ENPP2: variants seen among roughly 807,000 people sequenced by gnomAD.
The protein encoded by ENPP2 is ectonucleotide pyrophosphatase/phosphodiesterase 2.
A neutral mutation model predicts 120.2 loss-of-function variants in ENPP2; 51 were observed. The observed-to-expected ratio is 0.42, with a 90% CI of 0.34 to 0.54. The LOEUF (loss-of-function observed/expected upper bound fraction) is 0.54. ENPP2 is among the 20% of genes least tolerant of loss of function. The pLI is 0.04. For synonymous variants in ENPP2, 365 were observed against 366.4 expected (o/e 1.00, Z 0.04); for missense variants, 920 against 1,066.5 (o/e 0.86, Z 1.91).
intron 11 of ENPP2, chr8:119,596,082 C>T (rs1185775648): frequency 2.2e-6 from 3 of 1,348,400 alleles, no homozygotes; most frequent in South Asian, 2.6e-5. Flanking sequence ...ACTTTCCCAT[C>T]TGGGATCAGC....
At chr8:119,661,151 C>T (rs530096536) in intron 1 of ENPP2, among the ~76,000 whole-genome samples, 2 of 151,958 alleles carry the variant, frequency 1.3e-5, no homozygotes, top group Admixed American at 1.3e-4. Flanking sequence ...GAACATCACA[C>T]ACTGGGGCCT....
chr8:119,668,184 G>A (rs1175360442), intron 1 of ENPP2, among the ~76,000 whole-genome samples: 1 of 152,070 alleles, frequency 6.6e-6, no homozygotes, highest in East Asian at 1.9e-4. Flanking sequence ...TAACACCTCT[G>A]CTCCTTTGTA....
In ENPP2 at chr8:119,653,621, G is replaced by GT. The variant is rs1341120779; in HGVS notation, c.22-15095dup. 2.0e-5 allele frequency among the ~76,000 whole-genome samples: 3 copies of GT among 152,150 alleles called. 1 individual carries two copies. Among genetic ancestry groups the GT allele is most frequent in the Non-Finnish European group, 4.4e-5 (3 of 68,018 alleles). On this transcript the variant is annotated intron_variant, in intron 1 of 25. Coordinates refer to the ENPP2 transcript ENST00000427067. Reference sequence around the variant, plus strand: ...AGACGAGGCAGCAGTAAGAGACAATGTCAAAGAAGTAATTGGGAGCTAGTT... The same window carrying GT: ...AGACGAGGCAGCAGTAAGAGACAATGTTCAAAGAAGTAATTGGGAGCTAGTT...
chr8:119,673,183 G>T, intron 1 of ENPP2: 1 of 1,353,300 alleles, frequency 7.4e-7, no homozygotes, highest in Non-Finnish European at 1.0e-6. Flanking sequence ...TTTTCTGCTT[G>T]ACAGAATGGC....
chr8:119,614,883 C>T (rs1286629221), intron 8 of ENPP2, among the ~76,000 whole-genome samples: 5 of 152,178 alleles, frequency 3.3e-5, no homozygotes, highest in African/African-American at 1.2e-4. Flanking sequence ...TTATGGACTT[C>T]TGGGAGTCCA....
Position 119,582,193 on chromosome 8 carries a change from T to C in ENPP2, c.1728+225A>G, listed in dbSNP as rs374902328. Among the ~76,000 whole-genome samples the C allele has an allele frequency of 6.6e-5, 10 of 152,386 alleles. No homozygotes were observed. In the East Asian group the frequency reaches 1.5e-3, roughly 23 times the overall value. On this transcript the variant is annotated intron_variant, in intron 18 of 24. Transcript: ENST00000075322. ...CATGAATTCTACTTTTTGTCTTTCA[T>C]GGTCTATACCTGTGCTATTCAATAT...
At chr8:119,661,670 G>A (rs755574627) in intron 1 of ENPP2, among the ~76,000 whole-genome samples, 14 of 152,256 alleles carry the variant, frequency 9.2e-5, no homozygotes, top group Non-Finnish European at 2.1e-4. Flanking sequence ...ACTACCAGGT[G>A]TATGTCCAAA....
intron 2 of ENPP2, among the ~76,000 whole-genome samples, chr8:119,628,938 T>A (rs1406137551): frequency 6.6e-6 from 1 of 152,230 alleles, no homozygotes; most frequent in African/African-American, 2.4e-5. Context: ...ACCTTCCTGA[T>A]GTTTGAAATT....
At chr8:119,656,855 T>C (rs1817777121) in intron 1 of ENPP2, among the ~76,000 whole-genome samples, 1 of 152,230 alleles carries the variant, frequency 6.6e-6, no homozygotes, top group African/African-American at 2.4e-5. Flanking sequence ...GCAATGATTA[T>C]AATAGTTACC....
At chr8:119,656,207 T>C (rs2130885222) in intron 1 of ENPP2, among the ~76,000 whole-genome samples, 1 of 152,318 alleles carries the variant, frequency 6.6e-6, no homozygotes, top group Admixed American at 6.5e-5. Context: ...TTTCTGCAGC[T>C]ATTTCCCTTT....
intron 1 of ENPP2, among the ~76,000 whole-genome samples, chr8:119,669,449 G>A (rs539032374): frequency 2.0e-5 from 3 of 152,140 alleles, no homozygotes; most frequent in African/African-American, 4.8e-5. Flanking sequence ...TACACAAGTA[G>A]CAATTGCCAG....
chr8:119,634,520 A>G (rs534278771), intron 2 of ENPP2, among the ~76,000 whole-genome samples: 2 of 151,642 alleles, frequency 1.3e-5, no homozygotes, highest in South Asian at 4.3e-4. Flanking sequence ...AACACCTTAT[A>G]GTTCTCATCA....
chr8:119,626,367 C>A (rs999644712), intron 3 of ENPP2, among the ~76,000 whole-genome samples, 198 bp downstream of exon 3: 1 of 152,214 alleles, frequency 6.6e-6, no homozygotes, highest in African/African-American at 2.4e-5. Context: ...AAGAACCTTT[C>A]TCTGCTGGAA....
At position 119,557,664 on chromosome 8, in the gene ENPP2, C is replaced by G. The variant is rs897011695; in HGVS notation, c.2449G>C (p.Glu817Gln). The change falls in exon 25 of 25, where the codon GAA (glutamate) becomes CAA (glutamine). Residue 817 changes from glutamate (E) to glutamine (Q), a missense_variant. By Grantham distance (29) the Glu-to-Gln change is conservative (BLOSUM62 2). Transcript: ENST00000075322. ...NSSEDESKWV[E>Q]ELMKMHTARV... ...GCTGTGTGCATCTTCATGAGTTCTT[C>G]TACCCATTTTGATTCGTCCTCTGAG... The G allele has an allele frequency of 6.3e-7, 1 of 1,586,972 alleles. No homozygotes were observed. Among genetic ancestry groups the G allele is most frequent in the African/African-American group, 1.4e-5 (1 of 73,554 alleles).
At chr8:119,603,755 T>C (rs538099569) in intron 9 of ENPP2, among the ~76,000 whole-genome samples, 162 of 152,328 alleles carry the variant, frequency 1.1e-3, no homozygotes, top group African/African-American at 3.8e-3. Flanking sequence ...AAAATATTTG[T>C]TAAGGGCATA....
intron 1 of ENPP2, among the ~76,000 whole-genome samples, chr8:119,666,011 T>C (rs1437084067): frequency 6.6e-6 from 1 of 152,196 alleles, no homozygotes; most frequent in Non-Finnish European, 1.5e-5. Context: ...AATACACCCA[T>C]TGAAGATTAT....
At chr8:119,586,148 T>C (rs1813092959) in intron 15 of ENPP2, 38 bp downstream of exon 15, 1 of 1,599,184 alleles carries the variant, frequency 6.3e-7, no homozygotes, top group Admixed American at 1.7e-5. Flanking sequence ...GGGGTGGTTG[T>C]GGAAATGAGA....
intron 23 of ENPP2, among the ~76,000 whole-genome samples, chr8:119,564,217 T>C (rs1203755640): frequency 6.6e-6 from 1 of 151,898 alleles, no homozygotes; most frequent in Non-Finnish European, 1.5e-5. Flanking sequence ...ACCCAAATAA[T>C]GAAGATAAGT....
chr8:119,585,156 G>C (rs1179857777), intron 15 of ENPP2, among the ~76,000 whole-genome samples: 2 of 151,990 alleles, frequency 1.3e-5, no homozygotes, highest in African/African-American at 4.8e-5. Context: ...AGCACATACC[G>C]GGCCAATTAA....
Sources: gnomAD v4.1 joint callset for allele counts (sites outside exome capture counted in the v4.1 genomes callset) on GRCh38, gnomAD v4.1.1 for gene constraint, MANE v1.5 for transcripts, NCBI Gene and HGNC (gene_info 2026-07-23, HGNC 2026-07-21) for gene names.